The following SLC14A2 variants were observed in gnomAD, a reference collection of about 807,000 sequenced individuals.
SLC14A2 encodes urea transporter 2.
A neutral mutation model predicts 104.6 loss-of-function variants in SLC14A2; 91 were observed. The ratio of observed to expected loss-of-function variants is 0.87; its 90% CI spans 0.73 to 1.04. The LOEUF (loss-of-function observed/expected upper bound fraction) is 1.04. SLC14A2 is among the 50% of genes least tolerant of loss of function. The pLI is 0.00. For missense variants in SLC14A2, 1,189 were observed against 1,156.0 expected (o/e 1.03, Z -0.41); for synonymous variants, 476 against 466.4 (o/e 1.02, Z -0.27).
the SLC14A2 span, among the ~76,000 whole-genome samples, chr18:45,192,026 C>G: frequency 5.3e-5 from 8 of 152,062 alleles, no homozygotes; most frequent in Admixed American, 4.6e-4. Context: ...TTGAGGAATC[C>G]CAACTCATGA....
At chr18:45,174,181 T>A in the SLC14A2 span, among the ~76,000 whole-genome samples, 1 of 151,926 alleles carries the variant, frequency 6.6e-6, no homozygotes, top group African/African-American at 2.4e-5. Flanking sequence ...AGGAAATGAG[T>A]TTTCTTCCTG....
intron 10 of SLC14A2, among the ~76,000 whole-genome samples, chr18:45,652,008 CTG>C (rs1419669862): frequency 6.6e-6 from 1 of 152,258 alleles, no homozygotes; most frequent in African/African-American, 2.4e-5. Context: ...TGTCAGGAAA[CTG>C]TCTTCGCAGC....
chr18:45,190,521 T>C, the SLC14A2 span, among the ~76,000 whole-genome samples: 1 of 152,130 alleles, frequency 6.6e-6, no homozygotes, highest in Non-Finnish European at 1.5e-5. Flanking sequence ...GTGTGAGCAG[T>C]TGGGTTTGAG....
At chr18:45,330,143 G>C (rs2085274570) in intron 1 of SLC14A2, among the ~76,000 whole-genome samples, 1 of 152,136 alleles carries the variant, frequency 6.6e-6, no homozygotes, top group Admixed American at 6.5e-5. Context: ...GAGTCTTTGG[G>C]TGTAAGCTGA....
At chr18:45,431,918 G>C (rs1182276445) in intron 1 of SLC14A2, among the ~76,000 whole-genome samples, 1 of 152,134 alleles carries the variant, frequency 6.6e-6, no homozygotes, top group Non-Finnish European at 1.5e-5. Context: ...GCCTTTGGAG[G>C]GTTCTTGTGC....
At chr18:45,275,547 C>T (rs1164559539) in intron 1 of SLC14A2, among the ~76,000 whole-genome samples, 1 of 152,156 alleles carries the variant, frequency 6.6e-6, no homozygotes, top group Admixed American at 6.5e-5. Flanking sequence ...TAGCGGTTTC[C>T]TCTTTTTAAG....
intron 1 of SLC14A2, among the ~76,000 whole-genome samples, chr18:45,416,838 G>T (rs562253698): frequency 6.6e-6 from 1 of 152,194 alleles, no homozygotes; most frequent in South Asian, 2.1e-4. Context: ...ATTTTATTAG[G>T]TTAATTTATT....
intron 2 of SLC14A2, among the ~76,000 whole-genome samples, chr18:45,566,544 CACAG>C (rs910351312): frequency 3.1e-5 from 4 of 129,256 alleles, no homozygotes; most frequent in African/African-American, 8.1e-5. Flanking sequence ...CACACACACA[CACAG>C]TGTCCACATC....
chr18:45,267,795 GA>G (rs1276049107), intron 1 of SLC14A2, among the ~76,000 whole-genome samples: 1 of 152,150 alleles, frequency 6.6e-6, no homozygotes, highest in Non-Finnish European at 1.5e-5. Context: ...AGGACACTTA[GA>G]TTGCAAAGGT....
intron 1 of SLC14A2, among the ~76,000 whole-genome samples, chr18:45,327,765 T>A (rs1198698747): frequency 6.6e-6 from 1 of 152,232 alleles, no homozygotes; most frequent in East Asian, 1.9e-4. Context: ...TATCCATTGA[T>A]GGACTAGGCC....
intron 1 of SLC14A2, among the ~76,000 whole-genome samples, chr18:45,325,141 C>CA (rs776502704): frequency 3.4e-4 from 52 of 152,184 alleles, no homozygotes; most frequent in Non-Finnish European, 6.9e-4. Flanking sequence ...ATTTAGGTGA[C>CA]AGTGCTCTCA....
rs552386017 is a variant in SLC14A2 at position 45,678,565 on chromosome 18, C to T, written c.2513-410C>T. Reference sequence around the variant, plus strand: ...TCTAGTCTTCCTCAAGCTTTCAGAACGCTGCTCTTCCCTAGAAACCCATAT... The same window carrying T: ...TCTAGTCTTCCTCAAGCTTTCAGAATGCTGCTCTTCCCTAGAAACCCATAT... On this transcript the variant is annotated intron_variant, in intron 18 of 19. Transcript: ENST00000255226. Among the ~76,000 whole-genome samples, 74 of 152,344 alleles carry T rather than the reference C, an allele frequency of 4.9e-4. 1 individual carries two copies. The highest frequency in any genetic ancestry group is 8.4e-4 in the Non-Finnish European group (57 of 68,036).
chr18:45,424,627 A>G (rs2086398399), intron 1 of SLC14A2, among the ~76,000 whole-genome samples: 1 of 152,244 alleles, frequency 6.6e-6, no homozygotes, highest in Non-Finnish European at 1.5e-5. Flanking sequence ...AGAGCCATTT[A>G]TAATCATCTC....
the SLC14A2 span, among the ~76,000 whole-genome samples, chr18:45,204,817 A>T: frequency 3.3e-5 from 5 of 152,118 alleles, no homozygotes; most frequent in Admixed American, 6.6e-5. Flanking sequence ...AGATAAAAAA[A>T]AAAAAAAAAA....
rs958348611 is a variant in SLC14A2 at position 45,668,018 on chromosome 18, G to C, written c.1903G>C (p.Asp635His). 2.5e-6 allele frequency: 4 copies of C among 1,614,008 alleles called. 1 individual carries two copies. Among genetic ancestry groups the C allele is most frequent in the Non-Finnish European group, 3.4e-6 (4 of 1,179,944 alleles). Residue 635 changes from aspartate (D) to histidine (H), a missense_variant, in exon 14 of 20, where the codon GAC becomes CAC. Asp to His is a moderately conservative substitution (Grantham distance 81). Coordinates refer to ENST00000255226, the MANE Select transcript of SLC14A2 (RefSeq NM_007163.4). The stretch of plus-strand genomic sequence containing the variant: ...CTTGACAGCCCTCATCCTGAGTCAG[G>C]ACAAGTAAGTCCCAGAGGCTCAGGG... ...STLTALILSQ[D>H]KSAIAAGFHG... is the part of the protein sequence containing the mutation.
At chr18:45,670,453 G>A (rs150778776) in intron 16 of SLC14A2, among the ~76,000 whole-genome samples, 69 of 152,250 alleles carry the variant, frequency 4.5e-4, no homozygotes, top group African/African-American at 1.5e-3. Flanking sequence ...CGGCTCCACA[G>A]TCTGGCGCTC....
chr18:45,518,275 C>G (rs1163065690), intron 2 of SLC14A2, among the ~76,000 whole-genome samples: 2 of 152,192 alleles, frequency 1.3e-5, no homozygotes, highest in African/African-American at 4.8e-5. Context: ...CACACTTCAC[C>G]TTTCATACCA....
intron 2 of SLC14A2, chr18:45,542,090 G>A: frequency 1.1e-5 from 1 of 93,648 alleles, no homozygotes; most frequent in East Asian, 3.6e-4. Flanking sequence ...AGTTTCCTTG[G>A]CATCAACAAT....
At chr18:45,325,196 A>G (rs953767119) in intron 1 of SLC14A2, among the ~76,000 whole-genome samples, 11 of 152,236 alleles carry the variant, frequency 7.2e-5, no homozygotes, top group Non-Finnish European at 1.3e-4. Context: ...ACTTCCCTCT[A>G]GAAGTCAACG....
Sources: gnomAD v4.1 joint callset for allele counts (sites outside exome capture counted in the v4.1 genomes callset) on GRCh38, gnomAD v4.1.1 for gene constraint, MANE v1.5 for transcripts, NCBI Gene and HGNC (gene_info 2026-07-23, HGNC 2026-07-21) for gene names.